Variants in RTN1 observed in about 807,000 individuals in gnomAD.
The protein encoded by RTN1 is reticulon 1, also known as reticulon-1.
In RTN1, 25 loss-of-function variants were observed where a neutral mutation model predicts 65.5. The observed-to-expected ratio is 0.38, with a 90% CI of 0.28 to 0.53. RTN1 has a LOEUF of 0.53. Ranked by LOEUF, RTN1 falls within the 20% of genes least tolerant of loss-of-function variation. The probability of loss-of-function intolerance (pLI) is 0.79; values close to 1 mark genes in which losing one functional copy is unlikely to be tolerated. For synonymous variants in RTN1, 471 were observed against 447.6 expected (o/e 1.05, Z -0.66); for missense variants, 983 against 1,025.4 (o/e 0.96, Z 0.57).
intron 3 of RTN1, among the ~76,000 whole-genome samples, chr14:59,637,523 C>T (rs1372128116): frequency 6.6e-6 from 1 of 151,980 alleles, no homozygotes; most frequent in African/African-American, 2.4e-5. Flanking sequence ...ACCATCCTGG[C>T]CAACATGGTG....
rs1887005747 is a variant in RTN1 at position 59,825,017 on chromosome 14, G to A, written c.241+45373C>T. Among the ~76,000 whole-genome samples, 1 of 152,170 alleles carries A rather than the reference G, an allele frequency of 6.6e-6. No individual in the cohort carries two copies. Among genetic ancestry groups the A allele is most frequent in the Non-Finnish European group, 1.5e-5 (1 of 68,038 alleles). ...AGGAAATGGAGAGATGCTGGTCAAA[G>A]GGTAAAAACTTTCAGTTACAAGATA... On this transcript the variant is annotated intron_variant, in intron 1 of 8. Coordinates refer to ENST00000267484, the MANE Select transcript of RTN1 (RefSeq NM_021136.3). The surrounding 1 kb of genome is among the most constrained non-coding windows in gnomAD (Gnocchi z 4.2).
intron 3 of RTN1, among the ~76,000 whole-genome samples, chr14:59,621,978 C>T (rs1289577612): frequency 6.6e-6 from 1 of 152,114 alleles, no homozygotes; most frequent in Non-Finnish European, 1.5e-5. Context: ...TCCATCTTGG[C>T]CCAGAAAATA....
chr14:59,760,844 C>T (rs916222444), intron 1 of RTN1, among the ~76,000 whole-genome samples: 9 of 152,166 alleles, frequency 5.9e-5, no homozygotes, highest in African/African-American at 7.2e-5. Context: ...CCAGACTCAT[C>T]GTGCTAGTTC....
At chr14:59,869,560 C>T (rs567344563) in intron 1 of RTN1, among the ~76,000 whole-genome samples, 1 of 131,056 alleles carries the variant, frequency 7.6e-6, no homozygotes, top group East Asian at 2.5e-4. Flanking sequence ...AATGGCCAAA[C>T]CCAGGGCAAT....
chr14:59,684,149 A>T (rs1246840822), intron 3 of RTN1, among the ~76,000 whole-genome samples: 1 of 151,404 alleles, frequency 6.6e-6, no homozygotes, highest in Non-Finnish European at 1.5e-5. Flanking sequence ...CCTTCACCTC[A>T]CTCTTCTAAC....
At position 59,746,323 on chromosome 14, in the gene RTN1, C is replaced by G. The variant is rs61736372; in HGVS notation, c.400G>C (p.Val134Leu). 3 of 1,613,974 alleles carry G rather than the reference C, an allele frequency of 1.9e-6. No homozygotes were observed. The highest frequency in any genetic ancestry group is 2.5e-6 in the Non-Finnish European group (3 of 1,179,996). The change falls in exon 2 of 9, where the codon GTC becomes CTC. Residue 134 changes from valine to leucine, a missense_variant. Coordinates refer to ENST00000267484, the MANE Select transcript of RTN1 (RefSeq NM_021136.3). ...TCCTCAGGGCTCTCTGAAATGGTGA[C>G]GTGGCCATTTTCCTTCTGAAGAATT... ...TGILQKENGHVTISESPEELG... is the reference protein window; with the variant it reads ...TGILQKENGHLTISESPEELG...
intron 1 of RTN1, among the ~76,000 whole-genome samples, chr14:59,853,863 CTTTTT>C (rs71111670): frequency 7.9e-6 from 1 of 126,690 alleles, no homozygotes; most frequent in Admixed American, 8.5e-5. Context: ...TAAACTTTTA[CTTTTT>C]TTTTTTTTTT....
intron 1 of RTN1, among the ~76,000 whole-genome samples, chr14:59,841,685 A>T (rs1404988592): frequency 6.8e-6 from 1 of 147,008 alleles, no homozygotes; most frequent in East Asian, 2.0e-4. Flanking sequence ...CCAGCCTGGG[A>T]GACAGAGCGA....
chr14:59,678,227 G>A (rs1308413224), intron 3 of RTN1, among the ~76,000 whole-genome samples: 2 of 152,158 alleles, frequency 1.3e-5, no homozygotes, highest in African/African-American at 4.8e-5. Flanking sequence ...CGTGGGGAAT[G>A]TGAAAAGGGG....
chr14:59,614,291 G>C lies in RTN1; in HGVS notation c.1766-6799C>G. Among the ~76,000 whole-genome samples, 2 of 152,126 alleles carry C rather than the reference G, an allele frequency of 1.3e-5. 1 individual carries two copies. Among genetic ancestry groups the C allele is most frequent in the Non-Finnish European group, 2.9e-5 (2 of 68,028 alleles). On this transcript the variant is annotated intron_variant, in intron 3 of 8. Coordinates refer to ENST00000267484, the MANE Select transcript of RTN1 (RefSeq NM_021136.3). ...GCCTTCAGCTGCTTATTTGGCCCTA[G>C]AAATTCATGTTTTCCTGGCCCTGCT...
intron 3 of RTN1, among the ~76,000 whole-genome samples, chr14:59,656,674 C>T (rs2140203452): frequency 6.6e-6 from 1 of 152,356 alleles, no homozygotes; most frequent in South Asian, 2.1e-4. Flanking sequence ...CATGATTCCT[C>T]TCTGGAACTC....
chr14:59,608,125 A>T (rs1054086340), intron 3 of RTN1, among the ~76,000 whole-genome samples: 1 of 152,192 alleles, frequency 6.6e-6, no homozygotes, highest in African/African-American at 2.4e-5. Flanking sequence ...TGCAAAATGG[A>T]AATACTTTAA....
intron 1 of RTN1, among the ~76,000 whole-genome samples, chr14:59,785,195 GT>G (rs1445749244): frequency 1.2e-4 from 18 of 152,088 alleles, no homozygotes. Flanking sequence ...AATGCTGCAG[GT>G]ATCACCTTGG....
At chr14:59,771,355 A>G (rs376382858) in intron 1 of RTN1, among the ~76,000 whole-genome samples, 19 of 152,202 alleles carry the variant, frequency 1.2e-4, no homozygotes, top group African/African-American at 3.6e-4. Context: ...TGGTAAACCC[A>G]TAAGTCTGAA....
chr14:59,742,038 T>C lies in RTN1; in HGVS notation c.1015+3670A>G, dbSNP rs183208755. Among the ~76,000 whole-genome samples the C allele has an allele frequency of 4.6e-5, 7 of 152,322 alleles. No individual in the cohort carries two copies. In the East Asian group the frequency reaches 1.2e-3, roughly 25 times the overall value. On this transcript the variant is annotated intron_variant, in intron 2 of 8. Coordinates refer to ENST00000267484, the MANE Select transcript of RTN1 (RefSeq NM_021136.3). ...TGTGCAAGGGCAGGGACCTTGTACA[T>C]CTTATTTACTACAAGGTCTCAGTGG...
chr14:59,870,731 C>G lies in RTN1; in HGVS notation c.-101G>C. 1 of 1,225,256 alleles carries G rather than the reference C, an allele frequency of 8.2e-7. No individual in the cohort carries two copies. Among genetic ancestry groups the G allele is most frequent in the Non-Finnish European group, 1.0e-6 (1 of 975,298 alleles). 75.9% of individuals were successfully genotyped at this position (1,225,256 alleles called of 1,614,324 possible). A position where few individuals can be genotyped will look rare whatever the true frequency, so the allele number is the denominator to read the frequency against. On this transcript the variant is annotated 5_prime_UTR_variant, in exon 1 of 9. Transcript: ENST00000267484. This position sits in a 1 kb window ranked among gnomAD's most constrained non-coding sequence, Gnocchi z 5.1. ...GCTGTCCCCGGAGGGACTCGGCGCT[C>G]AGGGAAGCTGCGGTGTCTCAGCGTC...
intron 8 of RTN1, among the ~76,000 whole-genome samples, chr14:59,597,011 G>A (rs928384251): frequency 2.0e-5 from 3 of 152,154 alleles, no homozygotes; most frequent in Non-Finnish European, 2.9e-5. Context: ...TTGGAAGAAA[G>A]CCACATTTTT....
chr14:59,658,533 G>A (rs976633413), intron 3 of RTN1, among the ~76,000 whole-genome samples: 1 of 152,204 alleles, frequency 6.6e-6, no homozygotes, highest in African/African-American at 2.4e-5. Context: ...GCTTCCAGAG[G>A]AAGGAACAGG....
At chr14:59,791,049 T>C (rs902553753) in intron 1 of RTN1, among the ~76,000 whole-genome samples, 1 of 152,178 alleles carries the variant, frequency 6.6e-6, no homozygotes, top group Non-Finnish European at 1.5e-5. Flanking sequence ...CATTTTGTCT[T>C]TATTTTCCTT....
Sources: allele counts gnomAD v4.1 joint callset (sites outside exome capture counted in the v4.1 genomes callset), GRCh38; gene constraint gnomAD v4.1.1; non-coding constraint Gnocchi (gnomAD v3.1); transcripts MANE v1.5; gene names NCBI Gene and HGNC (gene_info 2026-07-23, HGNC 2026-07-21).